Variants in PLPPR1 observed in about 807,000 individuals in gnomAD.
PLPPR1 encodes phospholipid phosphatase-related protein type 1.
PLPPR1 carries 10 observed loss-of-function variants against 33.1 expected under a neutral mutation model. The observed-to-expected ratio is 0.30, with a 90% CI of 0.19 to 0.51. The LOEUF (loss-of-function observed/expected upper bound fraction) is 0.51. Among genes scored for constraint, PLPPR1 ranks in the 20% least tolerant of loss-of-function variants. The probability of loss-of-function intolerance (pLI) is 0.97; values close to 1 mark genes in which losing one functional copy is unlikely to be tolerated. For missense variants in PLPPR1, 304 were observed against 408.1 expected, an observed-to-expected ratio of 0.74 and a Z score of 2.20; for synonymous variants, 151 against 151.0, an observed-to-expected ratio of 1.00 and a Z score of 0.00.
intron 1 of PLPPR1, among the ~76,000 whole-genome samples, chr9:101,157,673 A>G (rs913949118): frequency 6.6e-6 from 1 of 152,138 alleles, no homozygotes; most frequent in African/African-American, 2.4e-5. Flanking sequence ...TAAGAGGCAA[A>G]TCAAGAGAGT....
At chr9:101,217,014 G>A (rs1028648225) in intron 2 of PLPPR1, among the ~76,000 whole-genome samples, 15 of 152,056 alleles carry the variant, frequency 9.9e-5, no homozygotes, top group Non-Finnish European at 1.8e-4. Flanking sequence ...CAATGAATAA[G>A]GAAAATATTT....
intron 1 of PLPPR1, among the ~76,000 whole-genome samples, chr9:101,141,327 A>G (rs1831448908): frequency 6.6e-6 from 1 of 152,192 alleles, no homozygotes; most frequent in Non-Finnish European, 1.5e-5. Flanking sequence ...AATAGCTGTA[A>G]TTTATTGAGC....
intron 1 of PLPPR1, among the ~76,000 whole-genome samples, chr9:101,136,029 A>G (rs917027556): frequency 9.9e-5 from 15 of 152,186 alleles, no homozygotes; most frequent in Admixed American, 9.8e-4. Flanking sequence ...GATTTAGGAA[A>G]GTTTCTCTGA....
At chr9:101,230,205 T>A (rs1257304543) in intron 2 of PLPPR1, among the ~76,000 whole-genome samples, 2 of 152,140 alleles carry the variant, frequency 1.3e-5, no homozygotes, top group Admixed American at 6.6e-5. Flanking sequence ...ATCAGGATGC[T>A]GAGATGTATT....
In PLPPR1 at chr9:101,162,758, A is replaced by G. The variant is rs1048746951; in HGVS notation, c.-45-22692A>G. 4.6e-5 allele frequency among the ~76,000 whole-genome samples: 7 copies of G among 152,156 alleles called. No homozygotes were observed. In the East Asian group the frequency reaches 1.2e-3, roughly 25 times the overall value. The stretch of plus-strand genomic sequence containing the variant: ...GCATTGACCCATCACGGAGCTCTAC[A>G]TGCTGGGTTTTTATGTTCTTGGTTG... On this transcript the variant is annotated intron_variant, in intron 1 of 7. Transcript: ENST00000374874.
In PLPPR1 at chr9:101,134,028, C is replaced by T. The variant is rs183593011; in HGVS notation, c.-45-51422C>T. ...GCGCATAGAACTGGCTCATGGAAAG[C>T]ATTCAAATATTTGAATTACTAATAT... On this transcript the variant is annotated intron_variant, in intron 1 of 7. Transcript: ENST00000374874. Among the ~76,000 whole-genome samples the T allele has an allele frequency of 1.8e-3, 267 of 152,284 alleles. 4 individuals are homozygous for T. Among genetic ancestry groups the T allele is most frequent in the Non-Finnish European group, 7.8e-4 (53 of 68,022 alleles).
chr9:101,293,426 T>C (rs2118927869), intron 4 of PLPPR1, among the ~76,000 whole-genome samples: 1 of 151,966 alleles, frequency 6.6e-6, no homozygotes, highest in African/African-American at 2.4e-5. Flanking sequence ...TACCCAGGAA[T>C]TGAACTCAGC....
intron 1 of PLPPR1, among the ~76,000 whole-genome samples, chr9:101,033,612 C>G (rs1829972755): frequency 1.3e-5 from 2 of 152,182 alleles, no homozygotes; most frequent in Non-Finnish European, 2.9e-5. Flanking sequence ...AGGAAAAGAA[C>G]TGGCATGAAA....
intron 1 of PLPPR1, among the ~76,000 whole-genome samples, chr9:101,077,657 C>T (rs1233420676): frequency 3.3e-5 from 5 of 152,088 alleles, no homozygotes; most frequent in African/African-American, 7.2e-5. Context: ...TGCAGTGCAT[C>T]ACCACAGAGG....
intron 1 of PLPPR1, among the ~76,000 whole-genome samples, chr9:101,078,250 G>A (rs1419324291): frequency 7.0e-6 from 1 of 142,082 alleles, no homozygotes; most frequent in African/African-American, 2.6e-5. Context: ...TCCAGGTAGG[G>A]TCAGAGAAGT....
intron 1 of PLPPR1, among the ~76,000 whole-genome samples, chr9:101,178,327 A>T (rs1436605194): frequency 6.6e-6 from 1 of 152,196 alleles, no homozygotes; most frequent in African/African-American, 2.4e-5. Flanking sequence ...AGCAGAGACC[A>T]ACACTGAGCC....
Position 101,324,162 on chromosome 9 carries a change from A to G in PLPPR1, c.*105A>G, listed in dbSNP as rs1052361838. The G allele has an allele frequency of 8.6e-6, 8 of 925,194 alleles. No individual in the cohort carries two copies. The highest frequency in any genetic ancestry group is 1.4e-5 in the Non-Finnish European group (8 of 585,996). The allele number at this position is 925,194 out of a possible 1,614,324, so 57.3% of individuals were successfully genotyped here. A position where few individuals can be genotyped will look rare whatever the true frequency, so the allele number is the denominator to read the frequency against. Reference sequence around the variant, plus strand: ...AACTGTGATGACAAATATTACGTTTATCTAGTTAGAAGCTAATGTTTTGTA... The same window carrying G: ...AACTGTGATGACAAATATTACGTTTGTCTAGTTAGAAGCTAATGTTTTGTA... On this transcript the variant is annotated 3_prime_UTR_variant, in exon 8 of 8. Coordinates refer to ENST00000374874, the MANE Select transcript of PLPPR1 (RefSeq NM_207299.2).
chr9:101,135,450 C>G (rs1203049497), intron 1 of PLPPR1, among the ~76,000 whole-genome samples: 1 of 152,156 alleles, frequency 6.6e-6, no homozygotes, highest in African/African-American at 2.4e-5. Context: ...TTATTTCTGT[C>G]CCTGCCAGGC....
chr9:101,309,747 A>G (rs1004278581), intron 5 of PLPPR1, among the ~76,000 whole-genome samples: 4 of 152,168 alleles, frequency 2.6e-5, no homozygotes, highest in Non-Finnish European at 5.9e-5. Flanking sequence ...AGTATAGCTA[A>G]GATCATACAA....
chr9:101,321,945 A>T (rs1477296149), intron 7 of PLPPR1, among the ~76,000 whole-genome samples: 5 of 148,482 alleles, frequency 3.4e-5, no homozygotes, highest in African/African-American at 1.2e-4. Context: ...TAGTTAAAAG[A>T]TACTTATACA....
chr9:101,242,240 CTTTTTTT>C (rs529626978), intron 2 of PLPPR1, among the ~76,000 whole-genome samples: 2 of 138,212 alleles, frequency 1.4e-5, no homozygotes, highest in South Asian at 4.8e-4. Context: ...AGCTGGAATT[CTTTTTTT>C]TTTTTTTTCT....
rs79687201 is a variant in PLPPR1 at position 101,266,036 on chromosome 9, A to G, written c.64-3844A>G. The stretch of plus-strand genomic sequence containing the variant: ...CAGGAGAATGTTCAATAGAAAATCA[A>G]CTAGAAATCAAAATCTGAGTTGTTC... On this transcript the variant is annotated intron_variant, in intron 2 of 7. Coordinates refer to ENST00000374874, the MANE Select transcript of PLPPR1 (RefSeq NM_207299.2). Among the ~76,000 whole-genome samples, 682 of 152,188 alleles carry G rather than the reference A, an allele frequency of 4.5e-3. 4 individuals are homozygous for G. Among genetic ancestry groups the G allele is most frequent in the African/African-American group, 0.016 (662 of 41,540 alleles).
At chr9:101,180,139 TATATACACACAC>T (rs1260169020) in intron 1 of PLPPR1, among the ~76,000 whole-genome samples, 13 of 37,352 alleles carry the variant, frequency 3.5e-4, no homozygotes, top group African/African-American at 1.5e-3. Flanking sequence ...TATATATATA[TATATACACACAC>T]ACACACACAC....
intron 4 of PLPPR1, among the ~76,000 whole-genome samples, chr9:101,308,434 C>T (rs1034934847): frequency 6.6e-6 from 1 of 152,168 alleles, no homozygotes; most frequent in Admixed American, 6.5e-5. Flanking sequence ...TTGAGTTTAG[C>T]TTAGTGGAAC....
Sources: gnomAD v4.1 joint callset for allele counts (sites outside exome capture counted in the v4.1 genomes callset) on GRCh38, gnomAD v4.1.1 for gene constraint, MANE v1.5 for transcripts, NCBI Gene and HGNC (gene_info 2026-07-23, HGNC 2026-07-21) for gene names.